The following ZBTB7C variants were observed in gnomAD, a reference collection of about 807,000 sequenced individuals.
ZBTB7C encodes zinc finger and BTB domain-containing protein 7C.
In ZBTB7C, 8 loss-of-function variants were observed where a neutral mutation model predicts 25.7. The observed-to-expected ratio is 0.31, with a 90% CI of 0.18 to 0.56. ZBTB7C has a LOEUF of 0.56. ZBTB7C is among the 20% of genes least tolerant of loss of function. ZBTB7C has a pLI of 0.91. For missense variants in ZBTB7C, 824 were observed against 855.2 expected (o/e 0.96, Z 0.46); for synonymous variants, 394 against 369.0 (o/e 1.07, Z -0.78).
intron 3 of ZBTB7C, among the ~76,000 whole-genome samples, chr18:48,086,921 C>T (rs978010630): frequency 2.6e-5 from 4 of 152,192 alleles, no homozygotes; most frequent in African/African-American, 4.8e-5. Flanking sequence ...TAATAGCTAC[C>T]GTTTGTTGAG....
In ZBTB7C at chr18:48,057,050, CAA is replaced by C. The variant is rs11380205; in HGVS notation, c.-16-15929_-16-15928del. On this transcript the variant is annotated intron_variant, in intron 3 of 4. Coordinates refer to ENST00000590800, the MANE Select transcript of ZBTB7C (RefSeq NM_001318841.2). The stretch of plus-strand genomic sequence containing the variant: ...ACCTATAGTTTATTAGAAAAATTGT[CAA>C]AAAAAAAAAAAAAAAAAACCAACCC... Among the ~76,000 whole-genome samples the C allele has an allele frequency of 4.4e-3, 282 of 64,294 alleles. 1 individual carries two copies. The highest frequency in any genetic ancestry group is 0.012 in the African/African-American group (201 of 17,274). The allele number at this position is 64,294 out of a possible 152,430, so 42.2% of individuals were successfully genotyped here.
chr18:48,074,165 C>T (rs2037666941), intron 3 of ZBTB7C, among the ~76,000 whole-genome samples: 1 of 152,110 alleles, frequency 6.6e-6, no homozygotes, highest in Non-Finnish European at 1.5e-5. Flanking sequence ...AGACGCATGC[C>T]ACCACGCCTA....
chr18:48,118,628 T>C (rs1300034351), intron 3 of ZBTB7C, among the ~76,000 whole-genome samples: 1 of 152,190 alleles, frequency 6.6e-6, no homozygotes, highest in Non-Finnish European at 1.5e-5. Flanking sequence ...CCATTTATAT[T>C]AGGGGAAATA....
chr18:48,270,772 C>A (rs2044461863), intron 2 of ZBTB7C, among the ~76,000 whole-genome samples: 2 of 151,562 alleles, frequency 1.3e-5, no homozygotes, highest in Non-Finnish European at 2.9e-5. Flanking sequence ...AATCTCTTGA[C>A]CTCACGATCC....
At chr18:48,285,333 G>T (rs998102116) in intron 2 of ZBTB7C, among the ~76,000 whole-genome samples, 1 of 152,158 alleles carries the variant, frequency 6.6e-6, no homozygotes, top group Non-Finnish European at 1.5e-5. Context: ...GGCACATAAA[G>T]ATTCATGATT....
intron 3 of ZBTB7C, among the ~76,000 whole-genome samples, chr18:48,183,188 A>G (rs1319927230): frequency 1.3e-5 from 2 of 152,192 alleles, no homozygotes; most frequent in Non-Finnish European, 2.9e-5. Flanking sequence ...TTTCGGCTCA[A>G]TCCCTTCTGG....
At chr18:48,410,282 C>T (rs1221491458), upstream of ZBTB7C, among the ~76,000 whole-genome samples, 1 of 152,184 alleles carries the variant, frequency 6.6e-6, no homozygotes, top group Non-Finnish European at 1.5e-5. Context: ...GCGCTGCGGC[C>T]CGGAGTCCCC....
At chr18:48,171,046 G>T (rs1263336848) in intron 3 of ZBTB7C, among the ~76,000 whole-genome samples, 1 of 152,200 alleles carries the variant, frequency 6.6e-6, no homozygotes, top group Non-Finnish European at 1.5e-5. Flanking sequence ...TGGGGCATTA[G>T]AATCTGGAAC....
intron 3 of ZBTB7C, chr18:48,041,597 C>G (rs1568170055): frequency 1.0e-6 from 1 of 967,748 alleles, no homozygotes; most frequent in African/African-American, 1.8e-5. Flanking sequence ...CAGACTTACA[C>G]TTTGCACTGG....
intron 2 of ZBTB7C, among the ~76,000 whole-genome samples, chr18:48,243,241 C>A (rs6507830): frequency 1.6e-4 from 23 of 141,604 alleles, no homozygotes; most frequent in African/African-American, 5.6e-4. Context: ...TCCAGCTTAG[C>A]TGACAGAGCA....
At chr18:48,228,003 C>T (rs2145332639) in intron 2 of ZBTB7C, among the ~76,000 whole-genome samples, 1 of 152,210 alleles carries the variant, frequency 6.6e-6, no homozygotes, top group Non-Finnish European at 1.5e-5. Flanking sequence ...AAGGGATGGG[C>T]ATCAAAGAGA....
At chr18:48,404,313 C>T (rs1235549226) in intron 1 of ZBTB7C, among the ~76,000 whole-genome samples, 1 of 151,976 alleles carries the variant, frequency 6.6e-6, no homozygotes, top group East Asian at 1.9e-4. Flanking sequence ...ATGGGAAGAT[C>T]TGAAGGAAGA....
At chr18:48,374,474 C>T (rs913082200) in intron 1 of ZBTB7C, among the ~76,000 whole-genome samples, 3 of 152,168 alleles carry the variant, frequency 2.0e-5, no homozygotes, top group African/African-American at 7.2e-5. Context: ...GTGAGGCAGT[C>T]CATTCTTCCT....
At chr18:48,411,630 G>A (rs2048384428), upstream of ZBTB7C, among the ~76,000 whole-genome samples, 1 of 152,212 alleles carries the variant, frequency 6.6e-6, no homozygotes, top group African/African-American at 2.4e-5. Flanking sequence ...GAGGATCCCA[G>A]CCCTGCAAAT....
intron 3 of ZBTB7C, chr18:48,137,420 C>G: frequency 1.5e-6 from 1 of 682,974 alleles, no homozygotes; most frequent in Non-Finnish European, 1.8e-6. Flanking sequence ...GGGTTTCCCC[C>G]CACTCTCCTT....
intron 3 of ZBTB7C, among the ~76,000 whole-genome samples, chr18:48,142,211 A>G (rs2040369901): frequency 6.6e-6 from 1 of 152,268 alleles, no homozygotes. Flanking sequence ...GGTGATCCAG[A>G]GAAATGGAGT....
intron 2 of ZBTB7C, among the ~76,000 whole-genome samples, chr18:48,244,057 A>G (rs2043606624): frequency 6.6e-6 from 1 of 152,212 alleles, no homozygotes; most frequent in Non-Finnish European, 1.5e-5. Flanking sequence ...TCTAAGACTC[A>G]AAACTGTAAA....
intron 2 of ZBTB7C, among the ~76,000 whole-genome samples, chr18:48,315,905 C>T (rs2045936842): frequency 6.6e-6 from 1 of 152,134 alleles, no homozygotes; most frequent in African/African-American, 2.4e-5. Flanking sequence ...GGAGGATAGC[C>T]CTTCAGGTCT....
At chr18:48,191,000 C>T (rs924217753) in intron 2 of ZBTB7C, among the ~76,000 whole-genome samples, 8 of 152,156 alleles carry the variant, frequency 5.3e-5, no homozygotes, top group African/African-American at 1.7e-4. Flanking sequence ...TTGGGGGAGT[C>T]GTACAAATCT....
Sources: allele counts gnomAD v4.1 joint callset (sites outside exome capture counted in the v4.1 genomes callset), GRCh38; gene constraint gnomAD v4.1.1; transcripts MANE v1.5; gene names NCBI Gene and HGNC (gene_info 2026-07-23, HGNC 2026-07-21).